Variants in TMEM236 observed in about 807,000 individuals in gnomAD.
The protein encoded by TMEM236 is family with sequence similarity 23, member A.
In TMEM236, 11 loss-of-function variants were observed where a neutral mutation model predicts 14.7. The observed-to-expected ratio is 0.75, with a 90% CI of 0.47 to 1.24. The LOEUF (loss-of-function observed/expected upper bound fraction) is 1.24, where lower values mean the gene tolerates loss of function less well. Ranked by LOEUF, TMEM236 falls within the 50% of genes most tolerant of loss-of-function variation. TMEM236 has a pLI of 0.00. For missense variants in TMEM236, 464 were observed against 427.3 expected (o/e 1.09, Z -0.76); for synonymous variants, 182 against 168.6 (o/e 1.08, Z -0.62).
chr10:17,755,786 G>A (rs905238090), intron 1 of TMEM236, among the ~76,000 whole-genome samples: 43 of 152,160 alleles, frequency 2.8e-4, no homozygotes, highest in Middle Eastern at 3.4e-3. Context: ...GAAGCTCTTG[G>A]GTTTTTTTGT....
intron 1 of TMEM236, among the ~76,000 whole-genome samples, chr10:17,754,220 A>G (rs1837250158): frequency 6.6e-6 from 1 of 152,234 alleles, no homozygotes; most frequent in Non-Finnish European, 1.5e-5. Flanking sequence ...ACTGAAAGTA[A>G]TGTCTATTTT....
At chr10:17,776,235 G>A in intron 3 of TMEM236, 65 bp downstream of exon 3, 1 of 1,459,302 alleles carries the variant, frequency 6.9e-7, no homozygotes, top group Non-Finnish European at 9.6e-7. Context: ...TTCTGCCACT[G>A]TGTTATCTGA....
intron 3 of TMEM236, among the ~76,000 whole-genome samples, chr10:17,781,048 C>T (rs1837739087): frequency 6.6e-6 from 1 of 152,308 alleles, no homozygotes; most frequent in South Asian, 2.1e-4. Flanking sequence ...CCTCACTGTA[C>T]ATGCAGCTGG....
chr10:17,770,061 C>T (rs1837543383), intron 1 of TMEM236, among the ~76,000 whole-genome samples: 1 of 152,128 alleles, frequency 6.6e-6, no homozygotes, highest in African/African-American at 2.4e-5. Context: ...CGTTTAGCTC[C>T]CACTTATAAG....
At position 17,752,488 on chromosome 10, in the gene TMEM236, A is replaced by G. The variant is rs1042036658; in HGVS notation, c.193A>G (p.Ile65Val). Residue 65 changes from isoleucine (I) to valine (V), a missense_variant, in exon 1 of 4, where the codon ATC becomes GTC. Coordinates refer to ENST00000377495, the MANE Select transcript of TMEM236 (RefSeq NM_001098844.3). ...IAYVALVTLLIWVPVKVILHK... is the reference protein window; with the variant it reads ...IAYVALVTLLVWVPVKVILHK... ...CTATGTTGCGTTAGTGACTCTACTG[A>G]TCTGGGTTCCTGTAAAAGTTATCCT... The G allele has an allele frequency of 2.5e-6, 4 of 1,613,832 alleles. No homozygotes were observed. Among genetic ancestry groups the G allele is most frequent in the East Asian group, 4.5e-5 (2 of 44,894 alleles).
chr10:17,788,967 C>A (rs1439332053), intron 3 of TMEM236, among the ~76,000 whole-genome samples: 4 of 152,128 alleles, frequency 2.6e-5, no homozygotes, highest in Admixed American at 2.6e-4. Flanking sequence ...AGTGTTTAAT[C>A]AGTTGCCTTT....
Position 17,752,355 on chromosome 10 carries a change from C to A in TMEM236, c.60C>A (p.Phe20Leu), listed in dbSNP as rs962755778. The A allele has an allele frequency of 6.2e-7, 1 of 1,613,758 alleles. No homozygotes were observed. The highest frequency in any genetic ancestry group is 8.5e-7 in the Non-Finnish European group (1 of 1,179,876). The stretch of plus-strand genomic sequence containing the variant: ...TTGAGCTCCTAGAGTTTGCCGCTTT[C>A]TCCATCCCCACACTCGTGATCACAG... ...VVFELLEFAA[F>L]SIPTLVITEQ... The change falls in exon 1 of 4, where the codon TTC (phenylalanine) becomes TTA (leucine). Residue 20 changes from phenylalanine to leucine, a missense_variant. Coordinates refer to ENST00000377495, the MANE Select transcript of TMEM236 (RefSeq NM_001098844.3).
At chr10:17,791,495 A>G (rs376721486) in intron 3 of TMEM236, among the ~76,000 whole-genome samples, 10,897 of 152,114 alleles carry the variant, frequency 0.072, 743 homozygotes, top group East Asian at 0.23. Flanking sequence ...GGAAAACCAT[A>G]GGGTTTTAAT....
At chr10:17,754,964 G>A (rs1837262846) in intron 1 of TMEM236, among the ~76,000 whole-genome samples, 1 of 137,224 alleles carries the variant, frequency 7.3e-6, no homozygotes, top group African/African-American at 2.7e-5. Context: ...TTGAGACAGA[G>A]TTTCACTCTT....
At chr10:17,768,630 A>G (rs1837514730) in intron 1 of TMEM236, among the ~76,000 whole-genome samples, 1 of 152,182 alleles carries the variant, frequency 6.6e-6, no homozygotes, top group Non-Finnish European at 1.5e-5. Context: ...GGGCTTCCAC[A>G]GAACTTACCT....
chr10:17,788,969 G>T (rs144089079), intron 3 of TMEM236, among the ~76,000 whole-genome samples: 1 of 152,018 alleles, frequency 6.6e-6, no homozygotes, highest in African/African-American at 2.4e-5. Flanking sequence ...TGTTTAATCA[G>T]TTGCCTTTGT....
intron 3 of TMEM236, among the ~76,000 whole-genome samples, 195 bp from the exon 4 acceptor site, chr10:17,795,726 A>G (rs1838000587): frequency 6.6e-6 from 1 of 152,204 alleles, no homozygotes; most frequent in South Asian, 2.1e-4. Context: ...ACCATGGCAC[A>G]CATTTGCCTA....
At position 17,797,805 on chromosome 10, in the gene TMEM236, G is replaced by A. The variant is rs1838040800; in HGVS notation, c.*1301G>A. On this transcript the variant is annotated 3_prime_UTR_variant, in exon 4 of 4. Coordinates refer to ENST00000377495, the MANE Select transcript of TMEM236 (RefSeq NM_001098844.3). ...TAATATGAGTGTTGTTTAGTATAAT[G>A]AAGTCAAGGTACATCAGTAATACCA... 6.6e-6 allele frequency: 1 copy of A among 152,108 alleles called. No individual in the cohort carries two copies. The allele number at this position is 152,108 out of a possible 1,614,324, so 9.4% of individuals were successfully genotyped here. A position where few individuals can be genotyped will look rare whatever the true frequency, so the allele number is the denominator to read the frequency against.
Position 17,798,579 on chromosome 10 carries a change from C to T in TMEM236, c.*2075C>T. On this transcript the variant is annotated 3_prime_UTR_variant, in exon 4 of 4. Transcript: ENST00000377495. ...ATTTGACGTTGTGTTATTCTACGCT[C>T]CACCAAATACCTCTCCCCTTGCCAC... 1.3e-5 allele frequency: 7 copies of T among 534,314 alleles called. No individual in the cohort carries two copies. The highest frequency in any genetic ancestry group is 9.8e-5 in the South Asian group (7 of 71,568). 33.1% of individuals were successfully genotyped at this position (534,314 alleles called of 1,614,324 possible). A position where few individuals can be genotyped will look rare whatever the true frequency, so the allele number is the denominator to read the frequency against.
intron 1 of TMEM236, among the ~76,000 whole-genome samples, chr10:17,769,339 G>A (rs1837529922): frequency 6.6e-6 from 1 of 152,174 alleles, no homozygotes; most frequent in Admixed American, 6.5e-5. Flanking sequence ...TTTCGGACAT[G>A]GTAAGTCTGA....
chr10:17,795,736 A>G (rs988639493), intron 3 of TMEM236, among the ~76,000 whole-genome samples, 185 bp from the exon 4 acceptor site: 3 of 152,234 alleles, frequency 2.0e-5, no homozygotes, highest in African/African-American at 7.2e-5. Context: ...ACATTTGCCT[A>G]TGTAACAAAC....
chr10:17,787,706 G>T (rs1279016117), intron 3 of TMEM236, among the ~76,000 whole-genome samples: 2 of 152,228 alleles, frequency 1.3e-5, no homozygotes, highest in Non-Finnish European at 2.9e-5. Context: ...AAGCTGAGCA[G>T]AAACAGGCGA....
chr10:17,754,259 T>A (rs1837250614), intron 1 of TMEM236, among the ~76,000 whole-genome samples: 1 of 152,232 alleles, frequency 6.6e-6, no homozygotes, highest in Non-Finnish European at 1.5e-5. Flanking sequence ...TTTGCAGGCT[T>A]ACGTCATACT....
chr10:17,791,686 G>C (rs1837927960), intron 3 of TMEM236, among the ~76,000 whole-genome samples: 1 of 152,118 alleles, frequency 6.6e-6, no homozygotes, highest in South Asian at 2.1e-4. Context: ...CTACCTGCAA[G>C]TTCTTTTCTC....
Sources: allele counts gnomAD v4.1 joint callset (sites outside exome capture counted in the v4.1 genomes callset), GRCh38; gene constraint gnomAD v4.1.1; transcripts MANE v1.5; gene names NCBI Gene and HGNC (gene_info 2026-07-23, HGNC 2026-07-21).